Variants in RILPL2 observed in about 807,000 individuals in gnomAD.
RILPL2 encodes RILP-like protein 2.
Under a neutral mutation model 22.2 loss-of-function variants are expected in RILPL2, and 19 were observed. That is an observed-to-expected ratio of 0.86 (90% CI 0.60 to 1.25). The LOEUF (loss-of-function observed/expected upper bound fraction) is 1.25. Ranked by LOEUF, RILPL2 falls within the 50% of genes most tolerant of loss-of-function variation. RILPL2 has a pLI of 0.00. For synonymous variants in RILPL2, 123 were observed against 111.6 expected (o/e 1.10, Z -0.64); for missense variants, 243 against 263.6 (o/e 0.92, Z 0.54).
chr12:123,435,860 G>A (rs977808102), intron 1 of RILPL2, among the ~76,000 whole-genome samples: 1 of 152,066 alleles, frequency 6.6e-6, no homozygotes, highest in African/African-American at 2.4e-5. Flanking sequence ...AGGCAGGGTG[G>A]CTCACACCTG....
At position 123,436,083 on chromosome 12, in the gene RILPL2, T is replaced by C. The variant is rs1435687189; in HGVS notation, c.338A>G (p.Glu113Gly). 1 of 1,568,786 alleles carries C rather than the reference T, an allele frequency of 6.4e-7. No homozygotes were observed. The highest frequency in any genetic ancestry group is 8.6e-7 in the Non-Finnish European group (1 of 1,157,034). ...LRRQSPPASG[E>G]VNLGPNKMVV... Reference sequence around the variant, plus strand: ...CGGAACCCTCGCTCCCACACTCACCTCCCCGCTGGCCGGAGGGCTCTGTCT... The same window carrying C: ...CGGAACCCTCGCTCCCACACTCACCCCCCCGCTGGCCGGAGGGCTCTGTCT... Residue 113 changes from glutamate (E) to glycine (G), a missense_variant and splice_region_variant, in exon 1 of 4, where the codon GAG becomes GGG. By Grantham distance (98) the Glu-to-Gly change is moderately conservative (BLOSUM62 -2). Coordinates refer to ENST00000280571, the MANE Select transcript of RILPL2 (RefSeq NM_145058.3). The surrounding 1 kb of genome is among the most constrained non-coding windows in gnomAD (Gnocchi z 6.7).
At chr12:123,428,262 A>C (rs1234846595) in intron 2 of RILPL2, among the ~76,000 whole-genome samples, 2 of 151,996 alleles carry the variant, frequency 1.3e-5, no homozygotes, top group African/African-American at 4.8e-5. Flanking sequence ...TCAGCCTCCC[A>C]AGTAGCTGGG....
At chr12:123,425,097 T>C in intron 2 of RILPL2, among the ~76,000 whole-genome samples, 1 of 151,900 alleles carries the variant, frequency 6.6e-6, no homozygotes, top group East Asian at 1.9e-4. Flanking sequence ...GCCAGGATGG[T>C]ATCAATCTCC....
chr12:123,411,025 CTTATTT>C (rs1213034127), downstream of RILPL2: 2 of 151,622 alleles, frequency 1.3e-5, no homozygotes, highest in Non-Finnish European at 2.9e-5. Context: ...CTGTGCCTGA[CTTATTT>C]TTATTTATTT....
At chr12:123,410,404 A>C (rs2139222888), downstream of RILPL2, among the ~76,000 whole-genome samples, 1 of 152,278 alleles carries the variant, frequency 6.6e-6, no homozygotes, top group South Asian at 2.1e-4. Context: ...ATCCAGTTCC[A>C]GCATCAGTTT....
chr12:123,426,356 C>T (rs1345628543), intron 2 of RILPL2, among the ~76,000 whole-genome samples: 1 of 151,876 alleles, frequency 6.6e-6, no homozygotes, highest in Admixed American at 6.6e-5. Context: ...GCCATGTTGG[C>T]CAGGCTGGTG....
chr12:123,422,465 G>A (rs1879314352), intron 3 of RILPL2, among the ~76,000 whole-genome samples: 1 of 152,172 alleles, frequency 6.6e-6, no homozygotes, highest in African/African-American at 2.4e-5. Flanking sequence ...GCAGTGATCC[G>A]AGATTGCACC....
At chr12:123,435,943 C>T in intron 1 of RILPL2, 139 bp downstream of exon 1, 9 of 1,273,778 alleles carry the variant, frequency 7.1e-6, no homozygotes, top group Non-Finnish European at 8.4e-6. Flanking sequence ...GCCTGGGCAA[C>T]ACAGCGAGAT....
chr12:123,426,816 A>C (rs1393837424), intron 2 of RILPL2, among the ~76,000 whole-genome samples: 2 of 150,360 alleles, frequency 1.3e-5, no homozygotes, highest in Admixed American at 6.6e-5. Flanking sequence ...GTTAGCCAGG[A>C]TGGTCTCGAT....
chr12:123,421,525 G>C (rs1879282206), intron 3 of RILPL2, among the ~76,000 whole-genome samples: 1 of 152,068 alleles, frequency 6.6e-6, no homozygotes. Flanking sequence ...CTCTCTGGAA[G>C]CTACATGCCT....
Position 123,436,567 on chromosome 12 carries a change from G to T in RILPL2, c.-147C>A. On this transcript the variant is annotated 5_prime_UTR_variant, in exon 1 of 4. Coordinates refer to ENST00000280571, the MANE Select transcript of RILPL2 (RefSeq NM_145058.3). This position sits in a 1 kb window ranked among gnomAD's most constrained non-coding sequence, Gnocchi z 6.7. ...CCGGGGGTGGGCCCGGGGGGATGGT[G>T]CAAGGGGCCGCGCACGCGACTCTTG... 7.7e-7 allele frequency: 1 copy of T among 1,296,352 alleles called. No homozygotes were observed. The highest frequency in any genetic ancestry group is 1.0e-6 in the Non-Finnish European group (1 of 972,858). The allele number at this position is 1,296,352 out of a possible 1,614,324, so 80.3% of individuals were successfully genotyped here.
At position 123,436,526 on chromosome 12, in the gene RILPL2, G is replaced by A. The variant is rs970617857; in HGVS notation, c.-106C>T. 21 of 1,455,266 alleles carry A rather than the reference G, an allele frequency of 1.4e-5. No homozygotes were observed. In the African/African-American group the frequency reaches 2.7e-4, roughly 19 times the overall value. 90.1% of individuals were successfully genotyped at this position (1,455,266 alleles called of 1,614,324 possible). ...TTTCCGCTGGGCAGAGTCCCTACCT[G>A]CCCAATCAGCGCGGCCCGGGGGTGG... On this transcript the variant is annotated 5_prime_UTR_variant, in exon 1 of 4. Transcript: ENST00000280571. This position sits in a 1 kb window ranked among gnomAD's most constrained non-coding sequence, Gnocchi z 6.7.
At chr12:123,432,729 G>A (rs186269301) in intron 1 of RILPL2, among the ~76,000 whole-genome samples, 2,734 of 146,034 alleles carry the variant, frequency 0.019, 33 homozygotes, top group Non-Finnish European at 0.027. Context: ...GGCTCATAAT[G>A]GGGACTTCCT....
At chr12:123,433,599 A>G (rs1433517317) in intron 1 of RILPL2, among the ~76,000 whole-genome samples, 1 of 151,290 alleles carries the variant, frequency 6.6e-6, no homozygotes, top group Non-Finnish European at 1.5e-5. Context: ...TTTAGTAGAG[A>G]CAGGGTTTCA....
downstream of RILPL2, chr12:123,412,532 T>G (rs1197707398): frequency 6.6e-6 from 1 of 152,216 alleles, no homozygotes. Flanking sequence ...TCTTAAACAC[T>G]ACCAGCTCTT....
At chr12:123,428,612 A>T (rs963775852) in intron 2 of RILPL2, among the ~76,000 whole-genome samples, 1 of 152,170 alleles carries the variant, frequency 6.6e-6, no homozygotes, top group African/African-American at 2.4e-5. Flanking sequence ...TTCATTTTTG[A>T]TCAGGGTATG....
intron 3 of RILPL2, among the ~76,000 whole-genome samples, chr12:123,421,044 T>TC (rs1491507897): frequency 1.0e-4 from 14 of 136,580 alleles, no homozygotes; most frequent in African/African-American, 3.8e-4. Context: ...ATGTTAAATC[T>TC]TTTTTTTTTT....
intron 2 of RILPL2, among the ~76,000 whole-genome samples, chr12:123,426,194 G>A (rs755565183): frequency 2.6e-4 from 39 of 151,918 alleles, no homozygotes; most frequent in Non-Finnish European, 5.3e-4. Flanking sequence ...TATCACCCAG[G>A]CTGGAGTGCA....
At chr12:123,421,829 G>A (rs538313449) in intron 3 of RILPL2, among the ~76,000 whole-genome samples, 46 of 151,736 alleles carry the variant, frequency 3.0e-4, no homozygotes, top group African/African-American at 9.7e-4. Context: ...CATCACGCCC[G>A]GCTAATTTTT....
Sources: allele counts gnomAD v4.1 joint callset (sites outside exome capture counted in the v4.1 genomes callset), GRCh38; gene constraint gnomAD v4.1.1; non-coding constraint Gnocchi (gnomAD v3.1); transcripts MANE v1.5; gene names NCBI Gene and HGNC (gene_info 2026-07-23, HGNC 2026-07-21).